Variants in PAM16 observed in about 807,000 individuals in gnomAD.
PAM16 encodes presequence translocase associated motor 16.
Under a neutral mutation model 17.9 loss-of-function variants are expected in PAM16, and 11 were observed. That is an observed-to-expected ratio of 0.62 (90% CI 0.39 to 1.02). The LOEUF is 1.02. Ranked by LOEUF, PAM16 falls within the 50% of genes least tolerant of loss-of-function variation. The probability of loss-of-function intolerance (pLI) is 0.01; values close to 1 mark genes in which losing one functional copy is unlikely to be tolerated. For synonymous variants in PAM16, 72 were observed against 67.4 expected (o/e 1.07, Z -0.34); for missense variants, 199 against 165.4 (o/e 1.20, Z -1.11).
At chr16:4,346,382 T>C (rs989039551) in intron 1 of PAM16, among the ~76,000 whole-genome samples, 8 of 152,254 alleles carry the variant, frequency 5.3e-5, no homozygotes, top group Non-Finnish European at 1.2e-4. Flanking sequence ...GTCAAATGCC[T>C]GGCACACAGC....
intron 4 of PAM16, 51 bp from the exon 5 acceptor site, chr16:4,340,456 C>T: frequency 6.3e-7 from 1 of 1,586,412 alleles, no homozygotes; most frequent in East Asian, 2.3e-5. Context: ...CGCCCCATAC[C>T]CCTTGCCCAC....
At chr16:4,346,079 T>A in intron 1 of PAM16, 2 of 614,046 alleles carry the variant, frequency 3.3e-6, no homozygotes, top group Non-Finnish European at 4.1e-6. Context: ...CCTGCACACT[T>A]CAAACCAAAG....
At position 4,351,287 on chromosome 16, in the gene PAM16, G is replaced by C. The variant is rs1006272154; in HGVS notation, c.-53C>G. 1.3e-5 allele frequency: 18 copies of C among 1,424,764 alleles called. No individual in the cohort carries two copies. The highest frequency in any genetic ancestry group is 1.5e-5 in the Non-Finnish European group (16 of 1,073,884). The allele number at this position is 1,424,764 out of a possible 1,614,324, so 88.3% of individuals were successfully genotyped here. ...ACTCCGACTTCCTGGCCCCGCGGCC[G>C]GGGATCAAGCGTGGTCGGCGGGTCA... On this transcript the variant is annotated 5_prime_UTR_variant, in exon 1 of 5. Coordinates refer to ENST00000318059, the MANE Select transcript of PAM16 (RefSeq NM_016069.11).
At chr16:4,340,820 C>T in intron 4 of PAM16, 100 bp downstream of exon 4, 2 of 1,468,204 alleles carry the variant, frequency 1.4e-6, no homozygotes, top group South Asian at 1.1e-5. Flanking sequence ...TTCTGTGTGC[C>T]AAGCCCTTAG....
intron 1 of PAM16, chr16:4,351,012 C>A (rs973478638): frequency 3.1e-6 from 1 of 322,920 alleles, no homozygotes; most frequent in African/African-American, 2.2e-5. Context: ...CACGTTTGCC[C>A]GGCCTCTTCC....
chr16:4,341,093 G>A, intron 3 of PAM16, 108 bp from the exon 4 acceptor site: 2 of 1,411,938 alleles, frequency 1.4e-6, no homozygotes, highest in Non-Finnish European at 2.0e-6. Context: ...TCTCCACCCT[G>A]TGTGCCACAC....
At chr16:4,342,591 T>C (rs575892439) in intron 2 of PAM16, among the ~76,000 whole-genome samples, 163 of 150,668 alleles carry the variant, frequency 1.1e-3, no homozygotes, top group African/African-American at 3.7e-3. Flanking sequence ...GAGGCAGAGG[T>C]TGCAGTGAGC....
Position 4,351,319 on chromosome 16 carries a change from A to G in PAM16, c.-85T>C. On this transcript the variant is annotated 5_prime_UTR_variant, in exon 1 of 5. Transcript: ENST00000318059. ...AAGCGTGGTCGGCGGGTCAGAGGTC[A>G]AGGAAAGCCGCAGAGAGCGCGTGCG... 1 of 1,120,808 alleles carries G rather than the reference A, an allele frequency of 8.9e-7. No homozygotes were observed. The allele number at this position is 1,120,808 out of a possible 1,614,324, so 69.4% of individuals were successfully genotyped here.
In PAM16 at chr16:4,341,480, C is replaced by T. The variant is rs774768218; in HGVS notation, c.113G>A (p.Arg38Gln). ...TGCAGACCGGTGTCCAGCGCGTCCTCGGGCATCAGCTGCGGCCCGGCTGGC... is the reference window on the plus strand; with the variant it reads ...TGCAGACCGGTGTCCAGCGCGTCCTTGGGCATCAGCTGCGGCCCGGCTGGC... ...FAASRAAADA[R>Q]GRAGHRSAAA... Residue 38 changes from arginine to glutamine, a missense_variant, in exon 3 of 5, where the codon CGA becomes CAA. By Grantham distance (43) the Arg-to-Gln change is conservative (BLOSUM62 1). Transcript: ENST00000318059. 3.2e-5 allele frequency: 52 copies of T among 1,609,972 alleles called. No homozygotes were observed. The East Asian group carries it at 3.6e-4, about 11-fold the overall frequency.
rs757973630 is a variant in PAM16, at chr16:4,351,229, C to G, written c.3+3G>C. 3 of 1,455,782 alleles carry G rather than the reference C, an allele frequency of 2.1e-6. No homozygotes were observed. Among genetic ancestry groups the G allele is most frequent in the African/African-American group, 2.9e-5 (2 of 69,452 alleles). 90.2% of individuals were successfully genotyped at this position (1,455,782 alleles called of 1,614,324 possible). ...CCCCGGTAGCGCCCGACTCGGGGCT[C>G]ACCATGGCAGCCGCTCTGCCTCCGG... is the stretch of plus-strand genomic sequence containing the variant. On this transcript the variant is annotated splice_donor_region_variant and intron_variant, in intron 1 of 4. Coordinates refer to ENST00000318059, the MANE Select transcript of PAM16 (RefSeq NM_016069.11).
intron 1 of PAM16, chr16:4,348,749 G>C (rs562549500): frequency 6.6e-6 from 1 of 150,712 alleles, no homozygotes; most frequent in Admixed American, 6.6e-5. Flanking sequence ...TCTGCCTCCC[G>C]GGTTCAAGAA....
chr16:4,340,507 A>G (rs2053626997), intron 4 of PAM16, 102 bp from the exon 5 acceptor site: 10 of 1,319,202 alleles, frequency 7.6e-6, no homozygotes, highest in Non-Finnish European at 9.4e-6. Flanking sequence ...CCATTTTTTG[A>G]AGGGCAGTGG....
chr16:4,341,104 C>A, intron 3 of PAM16, 119 bp from the exon 4 acceptor site: 1 of 1,368,124 alleles, frequency 7.3e-7, no homozygotes, highest in South Asian at 1.2e-5. Context: ...TGTGCCACAC[C>A]CAGCTGTTGT....
intron 1 of PAM16, chr16:4,344,048 C>T (rs2053694023): frequency 2.5e-6 from 1 of 397,980 alleles, no homozygotes; most frequent in Non-Finnish European, 4.4e-6. Flanking sequence ...GGGAACCCCA[C>T]TGTCACACAC....
chr16:4,341,730 A>G (rs1271592501), intron 2 of PAM16: 1 of 693,938 alleles, frequency 1.4e-6, no homozygotes, highest in African/African-American at 1.8e-5. Context: ...TCTGACCGCT[A>G]ATCCTGGCTC....
At chr16:4,346,094 G>A (rs188216603) in intron 1 of PAM16, 232 of 431,590 alleles carry the variant, frequency 5.4e-4, no homozygotes, top group African/African-American at 4.0e-3. Flanking sequence ...CCAAAGCGGC[G>A]TGGTGGCCTG....
rs747753092 is a variant in PAM16, at chr16:4,340,916, T to A, written c.291+4A>T. On this transcript the variant is annotated splice_donor_region_variant and intron_variant, in intron 4 of 4. Transcript: ENST00000318059. ...CATTCCTCCCAGAATCAAAGACCACTCACCTTTGACTGCAGGTAGAAGGAG... is the reference window on the plus strand; with the variant it reads ...CATTCCTCCCAGAATCAAAGACCACACACCTTTGACTGCAGGTAGAAGGAG... 2.5e-6 allele frequency: 4 copies of A among 1,612,836 alleles called. No homozygotes were observed. In the Admixed American group the frequency reaches 6.7e-5, roughly 27 times the overall value.
chr16:4,343,499 C>A, intron 1 of PAM16: 1 of 1,427,994 alleles, frequency 7.0e-7, no homozygotes, highest in Non-Finnish European at 9.1e-7. Flanking sequence ...GGCAGGCAGG[C>A]GGGTGAACTT....
At chr16:4,340,650 G>T (rs1378227021) in intron 4 of PAM16, among the ~76,000 whole-genome samples, 3 of 152,098 alleles carry the variant, frequency 2.0e-5, no homozygotes, top group African/African-American at 7.2e-5. Context: ...CACCCACGGG[G>T]GCTCCTGCTC....
Sources: gnomAD v4.1 joint callset for allele counts (sites outside exome capture counted in the v4.1 genomes callset) on GRCh38, gnomAD v4.1.1 for gene constraint, MANE v1.5 for transcripts, NCBI Gene and HGNC (gene_info 2026-07-23, HGNC 2026-07-21) for gene names.